HCN4: variants seen among roughly 807,000 people sequenced by gnomAD.
The protein encoded by HCN4 is hyperpolarization activated cyclic nucleotide gated potassium channel 4.
In HCN4, 29 loss-of-function variants were observed where a neutral mutation model predicts 76.9. The ratio of observed to expected loss-of-function variants is 0.38; its 90% CI spans 0.28 to 0.51. The LOEUF is 0.51. Among genes scored for constraint, HCN4 ranks in the 20% least tolerant of loss-of-function variants. The pLI is 0.90. For synonymous variants in HCN4, 772 were observed against 762.5 expected (o/e 1.01, Z -0.21); for missense variants, 1,416 against 1,715.2 (o/e 0.83, Z 3.08).
At position 73,323,286 on chromosome 15, in the gene HCN4, G is replaced by A. The variant is rs769959023; in HGVS notation, c.2807C>T (p.Pro936Leu). The A allele has an allele frequency of 1.2e-5, 18 of 1,536,416 alleles. No homozygotes were observed. The highest frequency in any genetic ancestry group is 1.5e-5 in the Non-Finnish European group (17 of 1,140,160). The change falls in exon 8 of 8, where the codon CCG becomes CTG. Residue 936 changes from proline to leucine, a missense_variant. This residue lies in a region of HCN4 where 633 missense variants were observed against 579.8 expected (regional missense o/e 1.09). Coordinates refer to ENST00000261917, the MANE Select transcript of HCN4 (RefSeq NM_005477.3). ...CGCGGGAGATGGCTGGGCAGCCTGC[G>A]GGGAGCGGGCGCCTGGCTGCAGCGG... ...LTPLQPGARS[P>L]QAAQPSPAPP...
intron 1 of HCN4, among the ~76,000 whole-genome samples, chr15:73,361,097 T>C (rs2043102844): frequency 6.6e-6 from 1 of 152,176 alleles, no homozygotes. Flanking sequence ...AAACATTGGC[T>C]CAGATTTGTT....
chr15:73,323,621 C>T lies in HCN4; in HGVS notation c.2472G>A (p.Arg824=). The change falls in exon 8 of 8, where the codon AGG becomes AGA. Residue 824 remains arginine (R), a synonymous_variant. Coordinates refer to ENST00000261917, the MANE Select transcript of HCN4 (RefSeq NM_005477.3). ...TCAGGGACTGCAGCCGTTTCAGGTG[C>T]CTTGGCGTCTGCCCGGCACCGAGGT... ...LGNLGAGQTP[R]HLKRLQSLIP... 6.2e-7 allele frequency: 1 copy of T among 1,600,380 alleles called. No individual in the cohort carries two copies.
At chr15:73,338,989 C>T (rs1475824283) in intron 2 of HCN4, among the ~76,000 whole-genome samples, 1 of 152,306 alleles carries the variant, frequency 6.6e-6, no homozygotes, top group East Asian at 1.9e-4. Context: ...CAATCAAGGT[C>T]TACAGGATGA....
Position 73,367,931 on chromosome 15 carries a change from C to A in HCN4, c.340G>T (p.Gly114Trp). Reference protein sequence around the residue: ...GSRGGGSGGTGSGSSHGHLHD... With the variant: ...GSRGGGSGGTWSGSSHGHLHD... ...AGGTGTCCGTGACTGCTGCCGCTCC[C>A]CGTGCCGCCGCTGCCGCCGCCCCGG... Residue 114 changes from glycine (G) to tryptophan (W), a missense_variant, in exon 1 of 8, where the codon GGG becomes TGG. Gly to Trp is a radical substitution (Grantham distance 184). This residue lies in a region of HCN4 where 355 missense variants were observed against 347.8 expected (regional missense o/e 1.02). Transcript: ENST00000261917. The surrounding 1 kb of genome is among the most constrained non-coding windows in gnomAD (Gnocchi z 7.5). 2 of 1,367,188 alleles carry A rather than the reference C, an allele frequency of 1.5e-6. No homozygotes were observed. The highest frequency in any genetic ancestry group is 5.9e-5 in the East Asian group (2 of 33,668). 84.7% of individuals were successfully genotyped at this position (1,367,188 alleles called of 1,614,324 possible). A position where few individuals can be genotyped will look rare whatever the true frequency, so the allele number is the denominator to read the frequency against.
chr15:73,322,316 A>C lies in HCN4; in HGVS notation c.*165T>G. Reference sequence around the variant, plus strand: ...TAAAAGCAAGTGACCAAAAATCTATAGCTCTAAGAATACCTGGTTATTTTC... The same window carrying C: ...TAAAAGCAAGTGACCAAAAATCTATCGCTCTAAGAATACCTGGTTATTTTC... On this transcript the variant is annotated 3_prime_UTR_variant, in exon 8 of 8. Transcript: ENST00000261917. 1 of 698,100 alleles carries C rather than the reference A, an allele frequency of 1.4e-6. No homozygotes were observed. The highest frequency in any genetic ancestry group is 2.5e-6 in the Non-Finnish European group (1 of 396,338). The allele number at this position is 698,100 out of a possible 1,614,324, so 43.2% of individuals were successfully genotyped here. A position where few individuals can be genotyped will look rare whatever the true frequency, so the allele number is the denominator to read the frequency against.
chr15:73,322,641 G>C lies in HCN4; in HGVS notation c.3452C>G (p.Thr1151Ser). Residue 1151 changes from threonine to serine, a missense_variant, in exon 8 of 8, where the codon ACT (threonine) becomes AGT (serine). By Grantham distance (58) the Thr-to-Ser change is moderately conservative. Transcript: ENST00000261917. ...PYGAIPGQHV[T>S]LPRKTSSGSL... ...ACCTGAGGATGTCTTCCGAGGCAGA[G>C]TGACGTGCTGGCCGGGGATGGCACC... 1 of 1,610,862 alleles carries C rather than the reference G, an allele frequency of 6.2e-7. No homozygotes were observed. The highest frequency in any genetic ancestry group is 8.5e-7 in the Non-Finnish European group (1 of 1,179,070).
chr15:73,346,132 G>A (rs902072407), intron 1 of HCN4, among the ~76,000 whole-genome samples: 20 of 152,124 alleles, frequency 1.3e-4, no homozygotes, highest in African/African-American at 1.2e-4. Context: ...GGCTGGGGTC[G>A]GGATCCTGGA....
intron 2 of HCN4, among the ~76,000 whole-genome samples, chr15:73,336,601 G>C (rs2042967026): frequency 6.6e-6 from 1 of 151,984 alleles, no homozygotes; most frequent in South Asian, 2.1e-4. Flanking sequence ...GTGAGGCTGA[G>C]CAACAAAAAC....
At chr15:73,346,815 G>A (rs1182120707) in intron 1 of HCN4, among the ~76,000 whole-genome samples, 21 of 152,170 alleles carry the variant, frequency 1.4e-4, no homozygotes, top group Non-Finnish European at 2.5e-4. Flanking sequence ...GGGAACTGCC[G>A]TTGGCTTCTG....
At chr15:73,351,364 C>T (rs1215678368) in intron 1 of HCN4, among the ~76,000 whole-genome samples, 2 of 152,192 alleles carry the variant, frequency 1.3e-5, no homozygotes, top group East Asian at 1.9e-4. Flanking sequence ...ACTGTAAACC[C>T]ATGCATCCAC....
intron 1 of HCN4, among the ~76,000 whole-genome samples, chr15:73,359,436 C>G (rs1269311141): frequency 1.3e-5 from 2 of 152,062 alleles, no homozygotes; most frequent in Non-Finnish European, 2.9e-5. Flanking sequence ...ACTTTACCTC[C>G]CAGAGAGGAC....
At chr15:73,354,983 A>T (rs1315427220) in intron 1 of HCN4, among the ~76,000 whole-genome samples, 2 of 152,156 alleles carry the variant, frequency 1.3e-5, no homozygotes, top group Non-Finnish European at 2.9e-5. Context: ...AGGGAGTAAG[A>T]GGGTTGATGC....
chr15:73,323,455 A>T lies in HCN4; in HGVS notation c.2638T>A (p.Ser880Thr). The change falls in exon 8 of 8, where the codon TCC becomes ACC. Residue 880 changes from serine (S) to threonine (T), a missense_variant. Ser to Thr is a moderately conservative substitution (Grantham distance 58). Around this residue, in one of 6 missense-constraint regions of HCN4, gnomAD observed 633 missense variants for 579.8 expected, o/e 1.09. Transcript: ENST00000261917. ...CCACAGGCCCCGGGGGGTGGGGAGG[A>T]GCTGGATGAGGGCAGGAGTGGGCTC... ...GLSPLLPSSS[S>T]SPPPGACGSP... The T allele has an allele frequency of 6.2e-7, 1 of 1,608,470 alleles. No individual in the cohort carries two copies.
At position 73,366,050 on chromosome 15, in the gene HCN4, G is replaced by A. The variant is rs151277091; in HGVS notation, c.785+1436C>T. 1.9e-3 allele frequency among the ~76,000 whole-genome samples: 295 copies of A among 152,332 alleles called. 2 individuals carry two copies. The highest frequency in any genetic ancestry group is 6.8e-3 in the African/African-American group (281 of 41,566). ...GGAACCCAGACACCGTTCCTGATGG[G>A]AGGGTCCCACATTTGCTCACACAAT... is the stretch of plus-strand genomic sequence containing the variant. On this transcript the variant is annotated intron_variant, in intron 1 of 7. Transcript: ENST00000261917.
At chr15:73,347,573 T>C (rs1328583103) in intron 1 of HCN4, among the ~76,000 whole-genome samples, 2 of 152,096 alleles carry the variant, frequency 1.3e-5, no homozygotes, top group African/African-American at 4.8e-5. Flanking sequence ...CGGTCACACA[T>C]GTCCTATAGA....
chr15:73,354,485 T>G (rs768159226), intron 1 of HCN4, among the ~76,000 whole-genome samples: 20 of 152,224 alleles, frequency 1.3e-4, no homozygotes, highest in Non-Finnish European at 2.6e-4. Flanking sequence ...GGCTGTGGGG[T>G]GGGGCCAACA....
chr15:73,331,499 G>A (rs1567776427), intron 3 of HCN4, among the ~76,000 whole-genome samples: 1 of 152,134 alleles, frequency 6.6e-6, no homozygotes, highest in Non-Finnish European at 1.5e-5. Context: ...TTCCTTTTGA[G>A]ACAGGATCTT....
intron 2 of HCN4, among the ~76,000 whole-genome samples, chr15:73,342,771 C>G (rs143200044): frequency 6.6e-6 from 1 of 152,232 alleles, no homozygotes; most frequent in African/African-American, 2.4e-5. Flanking sequence ...GAGTTGCCAA[C>G]AAAATTTGTA....
At chr15:73,342,940 A>G (rs866632634) in intron 2 of HCN4, among the ~76,000 whole-genome samples, 11 of 152,074 alleles carry the variant, frequency 7.2e-5, no homozygotes, top group Non-Finnish European at 1.2e-4. Flanking sequence ...CTGTCCCCCA[A>G]CTGGCCCTTT....
Sources: allele counts gnomAD v4.1 joint callset (sites outside exome capture counted in the v4.1 genomes callset), GRCh38; gene constraint gnomAD v4.1.1; regional missense constraint gnomAD v4.1.1; non-coding constraint Gnocchi (gnomAD v3.1); transcripts MANE v1.5; gene names NCBI Gene and HGNC (gene_info 2026-07-23, HGNC 2026-07-21).